RGS7: variants seen among roughly 807,000 people sequenced by gnomAD.
The protein encoded by RGS7 is regulator of G-protein signaling 7.
A neutral mutation model predicts 81.1 loss-of-function variants in RGS7; 27 were observed. That is an observed-to-expected ratio of 0.33 (90% CI 0.25 to 0.46). The LOEUF is 0.46. Among genes scored for constraint, RGS7 ranks in the 20% least tolerant of loss-of-function variants. The pLI, the probability that RGS7 is intolerant of heterozygous loss-of-function variation, is 1.00. For missense variants in RGS7, 396 were observed against 607.4 expected (o/e 0.65, Z 3.66); for synonymous variants, 208 against 207.7 (o/e 1.00, Z -0.01).
intron 3 of RGS7, among the ~76,000 whole-genome samples, chr1:241,075,964 T>C (rs1164185891): frequency 6.6e-6 from 1 of 152,216 alleles, no homozygotes; most frequent in Non-Finnish European, 1.5e-5. Flanking sequence ...ATCTTCTAGG[T>C]TGGCTCTTGG....
chr1:241,189,609 A>C (rs1246165773), intron 2 of RGS7, among the ~76,000 whole-genome samples: 1 of 152,186 alleles, frequency 6.6e-6, no homozygotes, highest in Non-Finnish European at 1.5e-5. Flanking sequence ...CTAGATTCTG[A>C]ATATTTTTTG....
intron 4 of RGS7, among the ~76,000 whole-genome samples, chr1:240,976,457 T>C (rs896258187): frequency 1.3e-5 from 2 of 152,208 alleles, no homozygotes; most frequent in Admixed American, 6.5e-5. Context: ...CCAGTCTAGA[T>C]GTTGTTGTGA....
intron 9 of RGS7, among the ~76,000 whole-genome samples, chr1:240,863,443 C>A (rs528776143): frequency 1.3e-5 from 2 of 152,052 alleles, no homozygotes; most frequent in Non-Finnish European, 2.9e-5. Context: ...CCACTGCACT[C>A]CAGCCTGGGC....
chr1:241,222,237 T>C (rs1419084527), intron 2 of RGS7, among the ~76,000 whole-genome samples: 1 of 152,214 alleles, frequency 6.6e-6, no homozygotes, highest in Non-Finnish European at 1.5e-5. Context: ...GGTTGTTAAT[T>C]TCCCTTTATC....
chr1:241,101,105 T>G (rs947167136), intron 2 of RGS7, among the ~76,000 whole-genome samples: 2 of 152,228 alleles, frequency 1.3e-5, no homozygotes, highest in Non-Finnish European at 2.9e-5. Context: ...ACAAACATTC[T>G]TCCATAATAC....
At chr1:240,943,660 T>C (rs1677984566) in intron 4 of RGS7, among the ~76,000 whole-genome samples, 1 of 152,170 alleles carries the variant, frequency 6.6e-6, no homozygotes, top group Admixed American at 6.5e-5. Context: ...TGTTTTTCCC[T>C]ACAGCAAAGA....
chr1:241,347,242 G>T (rs1160015517), intron 2 of RGS7, among the ~76,000 whole-genome samples: 1 of 152,126 alleles, frequency 6.6e-6, no homozygotes, highest in Non-Finnish European at 1.5e-5. Flanking sequence ...AGCAGAGGAA[G>T]ACTTGGTCAG....
chr1:241,047,815 CTGCAA>C (rs2061020369), intron 3 of RGS7, among the ~76,000 whole-genome samples: 1 of 143,566 alleles, frequency 7.0e-6, no homozygotes, highest in Non-Finnish European at 1.5e-5. Flanking sequence ...TCTCAGCTCA[CTGCAA>C]CCTCCGCCTC....
intron 2 of RGS7, among the ~76,000 whole-genome samples, chr1:241,215,184 A>G (rs1004820067): frequency 7.9e-5 from 12 of 152,218 alleles, no homozygotes; most frequent in Admixed American, 3.3e-4. Context: ...CAATTAAATT[A>G]CTAATGAATC....
chr1:240,790,527 C>G (rs1480147521), intron 18 of RGS7, among the ~76,000 whole-genome samples: 2 of 152,150 alleles, frequency 1.3e-5, no homozygotes, highest in African/African-American at 4.8e-5. Flanking sequence ...ATCACACCTT[C>G]AAGCAATTCA....
intron 2 of RGS7, among the ~76,000 whole-genome samples, chr1:241,298,413 C>T (rs1437430300): frequency 6.6e-6 from 1 of 152,190 alleles, no homozygotes; most frequent in Admixed American, 6.5e-5. Context: ...GTGCCTTAAT[C>T]CAAACTGGGA....
At chr1:240,835,428 C>T (rs577380464) in intron 9 of RGS7, among the ~76,000 whole-genome samples, 1 of 152,288 alleles carries the variant, frequency 6.6e-6, no homozygotes, top group African/African-American at 2.4e-5. Flanking sequence ...AAATCCAGAA[C>T]GCTGAAAACA....
rs537557737 is a variant in RGS7, at chr1:241,353,268, G to A, written c.78+2431C>T. ...ACCAACACCCCTCTCCAATTATTGT[G>A]TTGTTCTTCACATTGAAATTTGGCC... is the stretch of plus-strand genomic sequence containing the variant. On this transcript the variant is annotated intron_variant, in intron 2 of 18. Transcript: ENST00000440928. Among the ~76,000 whole-genome samples the A allele has an allele frequency of 8.3e-4, 127 of 152,134 alleles. 1 individual carries two copies. Among genetic ancestry groups the A allele is most frequent in the Admixed American group, 1.6e-3 (24 of 15,266 alleles).
intron 18 of RGS7, among the ~76,000 whole-genome samples, chr1:240,777,894 A>G (rs1683246309): frequency 7.4e-6 from 1 of 134,984 alleles, no homozygotes; most frequent in Non-Finnish European, 1.6e-5. Flanking sequence ...GACTCCTAAT[A>G]CCATCACCTT....
intron 14 of RGS7, among the ~76,000 whole-genome samples, chr1:240,808,636 A>C (rs961473335): frequency 3.3e-5 from 5 of 152,156 alleles, no homozygotes; most frequent in African/African-American, 1.2e-4. Flanking sequence ...CATGCTCACA[A>C]CCACTCCCTC....
At chr1:240,850,179 GGTTTTT>G (rs747174809) in intron 9 of RGS7, among the ~76,000 whole-genome samples, 1 of 152,190 alleles carries the variant, frequency 6.6e-6, no homozygotes, top group Non-Finnish European at 1.5e-5. Context: ...AAATATTGTG[GGTTTTT>G]GTTTTTGTTT....
chr1:240,788,797 G>A (rs1685479492), intron 18 of RGS7, among the ~76,000 whole-genome samples: 1 of 152,178 alleles, frequency 6.6e-6, no homozygotes, highest in Non-Finnish European at 1.5e-5. Context: ...CATTTGCCAA[G>A]CCCCTGGTGA....
chr1:241,186,684 C>T (rs141660300), intron 2 of RGS7, among the ~76,000 whole-genome samples: 2,779 of 151,708 alleles, frequency 0.018, 90 homozygotes, highest in African/African-American at 0.063. Context: ...CCACTACACC[C>T]GGCTAATTTT....
At chr1:241,223,197 T>C (rs1160379603) in intron 2 of RGS7, among the ~76,000 whole-genome samples, 1 of 152,186 alleles carries the variant, frequency 6.6e-6, no homozygotes, top group African/African-American at 2.4e-5. Context: ...AACCATCTCA[T>C]TCAACGTCTG....
Sources: gnomAD v4.1 joint callset for allele counts (sites outside exome capture counted in the v4.1 genomes callset) on GRCh38, gnomAD v4.1.1 for gene constraint, MANE v1.5 for transcripts, NCBI Gene and HGNC (gene_info 2026-07-23, HGNC 2026-07-21) for gene names.